The following TNIP3 variants were observed in gnomAD, a reference collection of about 807,000 sequenced individuals.
The protein encoded by TNIP3 is TNFAIP3 interacting protein 3.
In TNIP3, 34 loss-of-function variants were observed where a neutral mutation model predicts 54.1. The ratio of observed to expected loss-of-function variants is 0.63; its 90% CI spans 0.48 to 0.84. The LOEUF is 0.84. Among genes scored for constraint, TNIP3 ranks in the 40% least tolerant of loss-of-function variants. The pLI, the probability that TNIP3 is intolerant of heterozygous loss-of-function variation, is 0.00. For synonymous variants in TNIP3, 134 were observed against 136.8 expected (o/e 0.98, Z 0.14); for missense variants, 366 against 387.6 (o/e 0.94, Z 0.47).
At chr4:121,187,468 G>T (rs1287402463) in intron 2 of TNIP3, among the ~76,000 whole-genome samples, 3 of 152,212 alleles carry the variant, frequency 2.0e-5, no homozygotes, top group Non-Finnish European at 2.9e-5. Flanking sequence ...GAAGAGCAGG[G>T]TAAGATTTCA....
At chr4:121,166,913 G>A (rs527735393), upstream of TNIP3, among the ~76,000 whole-genome samples, 1 of 152,214 alleles carries the variant, frequency 6.6e-6, no homozygotes, top group South Asian at 2.1e-4. Flanking sequence ...AGATTATCTG[G>A]ACTCACAGCT....
chr4:121,163,450 A>C (rs1465647465), intron 1 of TNIP3, among the ~76,000 whole-genome samples: 2 of 152,174 alleles, frequency 1.3e-5, no homozygotes, highest in Non-Finnish European at 2.9e-5. Flanking sequence ...CCTATACATA[A>C]TTTCCTATAA....
chr4:121,153,580 T>G (rs1190667199), intron 5 of TNIP3, among the ~76,000 whole-genome samples: 1 of 152,208 alleles, frequency 6.6e-6, no homozygotes, highest in Non-Finnish European at 1.5e-5. Context: ...TTTATGAAGT[T>G]TATCCTCATT....
At chr4:121,197,670 C>T (rs1410841565) in intron 2 of TNIP3, among the ~76,000 whole-genome samples, 1 of 151,936 alleles carries the variant, frequency 6.6e-6, no homozygotes, top group African/African-American at 2.4e-5. Flanking sequence ...TATTCCAAAC[C>T]TAGCTGGAAA....
chr4:121,164,169 A>G lies in TNIP3; in HGVS notation c.-44T>C, dbSNP rs779820706. ...AGTCTTGGAAAGCAGAAAGAAAAAC[A>G]GGGGAAAAGTCTCTTAAGGTATATT... On this transcript the variant is annotated 5_prime_UTR_variant, in exon 1 of 11. Transcript: ENST00000057513. The G allele has an allele frequency of 2.5e-6, 4 of 1,613,128 alleles. No individual in the cohort carries two copies. The South Asian group carries it at 4.4e-5, about 18-fold the overall frequency.
chr4:121,164,435 G>T (rs1579422345), upstream of TNIP3: 3 of 804,004 alleles, frequency 3.7e-6, no homozygotes, highest in Non-Finnish European at 4.8e-6. Flanking sequence ...GATTAGCCTT[G>T]CTATAGTATG....
At chr4:121,215,139 A>G (rs1488234937) in intron 2 of TNIP3, among the ~76,000 whole-genome samples, 2 of 152,198 alleles carry the variant, frequency 1.3e-5, no homozygotes, top group Non-Finnish European at 2.9e-5. Flanking sequence ...CTATTGTTAG[A>G]GTAGCCTATT....
chr4:121,175,716 G>A (rs1017121736), intron 3 of TNIP3, among the ~76,000 whole-genome samples: 2 of 152,190 alleles, frequency 1.3e-5, no homozygotes, highest in African/African-American at 4.8e-5. Context: ...CAACAAGAAT[G>A]GAGCCTCAGT....
At chr4:121,215,470 T>G (rs918856610) in intron 2 of TNIP3, among the ~76,000 whole-genome samples, 7 of 152,202 alleles carry the variant, frequency 4.6e-5, no homozygotes, top group Admixed American at 3.3e-4. Flanking sequence ...CTGAGTTTCC[T>G]TCTTTTTACT....
At chr4:121,140,382 A>G (rs1729047105) in intron 9 of TNIP3, among the ~76,000 whole-genome samples, 2 of 152,186 alleles carry the variant, frequency 1.3e-5, no homozygotes, top group Non-Finnish European at 2.9e-5. Flanking sequence ...GCCATTCTAC[A>G]TGGCTTGGAG....
rs139637864 is a variant in TNIP3, at chr4:121,135,030, T to TC, written c.947-2369dup. On this transcript the variant is annotated intron_variant, in intron 10 of 10. Coordinates refer to ENST00000057513, the MANE Select transcript of TNIP3 (RefSeq NM_024873.6). ...GTGGGATCTCCCAGCTGGGCTGTCT[T>TC]CAAGTCTGCACTCAAGAGTCCTTAT... is the stretch of plus-strand genomic sequence containing the variant. Among the ~76,000 whole-genome samples, 37 of 152,250 alleles carry TC rather than the reference T, an allele frequency of 2.4e-4. No homozygotes were observed. The East Asian group carries it at 6.8e-3, about 28-fold the overall frequency.
Position 121,226,917 on chromosome 4 carries a change from C to T in TNIP3, c.3+468G>A, listed in dbSNP as rs143310157. Among the ~76,000 whole-genome samples the T allele has an allele frequency of 6.2e-3, 866 of 138,902 alleles. 4 individuals are homozygous for T. Among genetic ancestry groups the T allele is most frequent in the African/African-American group, 0.021 (833 of 39,110 alleles). 91.1% of individuals were successfully genotyped at this position (138,902 alleles called of 152,430 possible). A position where few individuals can be genotyped will look rare whatever the true frequency, so the allele number is the denominator to read the frequency against. On this transcript the variant is annotated intron_variant, in intron 1 of 12. Coordinates refer to the TNIP3 transcript ENST00000509841. ...GTGAAAAATGTCCCCTGCAGAGGAACACACTAAATGGATGCTGGCTCTGCT... is the reference window on the plus strand; with the variant it reads ...GTGAAAAATGTCCCCTGCAGAGGAATACACTAAATGGATGCTGGCTCTGCT...
intron 3 of TNIP3, 122 bp from the exon 4 acceptor site, chr4:121,157,365 G>A (rs1730181416): frequency 4.0e-6 from 5 of 1,237,506 alleles, no homozygotes; most frequent in East Asian, 2.3e-5. Context: ...CCTAAGGAGA[G>A]GTTCTAGCTC....
chr4:121,213,741 CA>C (rs902398389), intron 2 of TNIP3, among the ~76,000 whole-genome samples: 4 of 142,120 alleles, frequency 2.8e-5, no homozygotes, highest in African/African-American at 1.1e-4. Flanking sequence ...AAAAAAAAAA[CA>C]AAAAAAGACA....
intron 2 of TNIP3, among the ~76,000 whole-genome samples, chr4:121,201,026 G>GAGGAAA (rs1725855169): frequency 6.6e-6 from 1 of 151,964 alleles, no homozygotes. Flanking sequence ...TGCTGGGGAA[G>GAGGAAA]AGAGTAGGAG....
At chr4:121,188,226 A>G (rs1725122290) in intron 2 of TNIP3, among the ~76,000 whole-genome samples, 1 of 152,134 alleles carries the variant, frequency 6.6e-6, no homozygotes. Context: ...ATAAATCAAC[A>G]TAGAAATTAA....
chr4:121,167,614 A>G (rs891366484), upstream of TNIP3, among the ~76,000 whole-genome samples: 3 of 152,220 alleles, frequency 2.0e-5, no homozygotes, highest in Non-Finnish European at 2.9e-5. Context: ...CAGATTAAGA[A>G]ATGTTGACCT....
intron 2 of TNIP3, among the ~76,000 whole-genome samples, chr4:121,212,977 C>T (rs556923269): frequency 3.3e-5 from 5 of 151,878 alleles, no homozygotes; most frequent in East Asian, 3.9e-4. Context: ...CTTCCTTTTA[C>T]GAGAAAAAAA....
intron 2 of TNIP3, among the ~76,000 whole-genome samples, chr4:121,184,643 C>T (rs1415040547): frequency 6.6e-6 from 1 of 152,152 alleles, no homozygotes; most frequent in African/African-American, 2.4e-5. Flanking sequence ...TGAATTCTCT[C>T]ATTATTTTTA....
Sources: gnomAD v4.1 joint callset for allele counts (sites outside exome capture counted in the v4.1 genomes callset) on GRCh38, gnomAD v4.1.1 for gene constraint, MANE v1.5 for transcripts, NCBI Gene and HGNC (gene_info 2026-07-23, HGNC 2026-07-21) for gene names.